NBPF12: variants seen among roughly 807,000 people sequenced by gnomAD.
NBPF12 encodes the protein NBPF member 12.
NBPF12 carries 115 observed loss-of-function variants against 146.4 expected under a neutral mutation model. That is an observed-to-expected ratio of 0.79 (90% CI 0.68 to 0.92). The LOEUF (loss-of-function observed/expected upper bound fraction) is 0.92. NBPF12 is among the 40% of genes least tolerant of loss of function. The probability of loss-of-function intolerance (pLI) is 0.00; values close to 1 mark genes in which losing one functional copy is unlikely to be tolerated. For missense variants in NBPF12, 1,205 were observed against 1,326.8 expected, an observed-to-expected ratio of 0.91 and a Z score of 1.43; for synonymous variants, 385 against 508.9, an observed-to-expected ratio of 0.76 and a Z score of 3.28.
upstream of NBPF12, among the ~76,000 whole-genome samples, chr1:146,944,852 CTCAT>C (rs1315983780): frequency 6.7e-6 from 1 of 149,674 alleles, no homozygotes; most frequent in Non-Finnish European, 1.5e-5. Context: ...CTTTCTCTCT[CTCAT>C]TCTTTCCCTC....
rs200992661 is a variant in NBPF12, at chr1:146,990,797, T to C, written c.3623+280T>C. On this transcript the variant is annotated intron_variant, in intron 29 of 33. Transcript: ENST00000617844. ...TGGAAAATTATTGAGCCCACTGTTT[T>C]CATGATCACTGTTCGCTGTGTGTCC... 1.7e-4 allele frequency among the ~76,000 whole-genome samples: 18 copies of C among 103,742 alleles called. 2 individuals are homozygous for C. The highest frequency in any genetic ancestry group is 5.8e-4 in the Admixed American group (5 of 8,560). 68.1% of individuals were successfully genotyped at this position (103,742 alleles called of 152,430 possible).
intron 18 of NBPF12, among the ~76,000 whole-genome samples, chr1:146,978,204 G>T (rs1657168936): frequency 6.7e-6 from 1 of 149,082 alleles, no homozygotes; most frequent in South Asian, 2.2e-4. Flanking sequence ...GCTGGACCCT[G>T]GTTCTCCACC....
intron 15 of NBPF12, among the ~76,000 whole-genome samples, chr1:146,975,057 C>G (rs1656894657): frequency 8.3e-6 from 1 of 119,874 alleles, no homozygotes; most frequent in African/African-American, 3.5e-5. Context: ...TTCTCTTTTT[C>G]AAACAAGTAA....
chr1:146,949,280 G>A (rs1221171700), upstream of NBPF12: 1 of 147,956 alleles, frequency 6.8e-6, no homozygotes, highest in Admixed American at 6.7e-5. Flanking sequence ...CACAGGTGTG[G>A]AGGGGCAACC....
chr1:146,957,836 A>ACC lies in NBPF12; in HGVS notation c.-183-2023_-183-2022insCC, dbSNP rs1380360557. 2.5e-4 allele frequency among the ~76,000 whole-genome samples: 30 copies of ACC among 118,920 alleles called. 5 individuals carry two copies. The East Asian group carries it at 7.0e-3, about 28-fold the overall frequency. 78.0% of individuals were successfully genotyped at this position (118,920 alleles called of 152,430 possible). A position where few individuals can be genotyped will look rare whatever the true frequency, so the allele number is the denominator to read the frequency against. On this transcript the variant is annotated intron_variant, in intron 2 of 33. Transcript: ENST00000617844. ...TCCGCCACTTAAAAAAGAAAAAAAA[A>ACC]ATATAATATATATATATATACACGT...
At chr1:146,980,320 G>A (rs1268644279) in intron 19 of NBPF12, among the ~76,000 whole-genome samples, 2 of 152,002 alleles carry the variant, frequency 1.3e-5, no homozygotes, top group Non-Finnish European at 2.9e-5. Context: ...TTACATTTAA[G>A]GTTAATATTG....
intron 1 of NBPF12, among the ~76,000 whole-genome samples, chr1:146,941,612 G>A (rs1331847070): frequency 1.4e-5 from 2 of 146,146 alleles, no homozygotes; most frequent in African/African-American, 2.5e-5. Flanking sequence ...AAATTAGCTG[G>A]ATGTGGTGGC....
intron 15 of NBPF12, 22 bp downstream of exon 18, chr1:146,974,863 A>C: frequency 3.9e-6 from 5 of 1,284,298 alleles, no homozygotes; most frequent in Non-Finnish European, 5.3e-6. Flanking sequence ...CCATGGGGGC[A>C]GACAGGGGGG....
At chr1:146,960,728 G>C (rs1309411977) in intron 4 of NBPF12, among the ~76,000 whole-genome samples, 2 of 152,078 alleles carry the variant, frequency 1.3e-5, no homozygotes, top group Non-Finnish European at 2.9e-5. Flanking sequence ...AGGCCCAACA[G>C]GCAAAGCTCT....
chr1:146,971,182 G>A lies in NBPF12; in HGVS notation c.1380-1G>A. On this transcript the variant is annotated splice_acceptor_variant, in intron 12 of 33. Coordinates refer to ENST00000617844, the Ensembl canonical transcript of NBPF12. LOFTEE classifies it high-confidence loss of function. ...CATCTCTGTCCCACCTGGCTCATCAGGGAGATGCAGAAGGCTGAAGAAAGC... is the reference window on the plus strand; with the variant it reads ...CATCTCTGTCCCACCTGGCTCATCAAGGAGATGCAGAAGGCTGAAGAAAGC... 6.2e-7 allele frequency: 1 copy of A among 1,611,298 alleles called. No individual in the cohort carries two copies. The highest frequency in any genetic ancestry group is 1.1e-5 in the South Asian group (1 of 90,996).
upstream of NBPF12, among the ~76,000 whole-genome samples, chr1:146,945,400 C>T (rs1292695228): frequency 1.3e-5 from 2 of 151,434 alleles, no homozygotes; most frequent in Non-Finnish European, 2.9e-5. Flanking sequence ...TGCACCTGTC[C>T]TTACCAGAAC....
chr1:146,975,534 G>A (rs1345635064), intron 15 of NBPF12, 143 bp from the exon 19 acceptor site: 15 of 595,858 alleles, frequency 2.5e-5, no homozygotes, highest in Non-Finnish European at 3.6e-5. Context: ...CTTTCTCTTG[G>A]CCACAGACAT....
chr1:146,987,596 T>C (rs1255517264), intron 25 of NBPF12, among the ~76,000 whole-genome samples: 1 of 152,146 alleles, frequency 6.6e-6, no homozygotes, highest in African/African-American at 2.4e-5. Flanking sequence ...CTGTATGCTG[T>C]GTGTCCTGAG....
intron 13 of NBPF12, 68 bp from the exon 17 acceptor site, chr1:146,972,683 G>A (rs1406484062): frequency 2.2e-5 from 28 of 1,264,798 alleles, no homozygotes; most frequent in Non-Finnish European, 3.1e-5. Context: ...ACATCCCTCA[G>A]TCCTGATTAA....
At chr1:146,966,738 T>C (rs1472107708) in intron 9 of NBPF12, 65 bp downstream of exon 12, 100 of 928,420 alleles carry the variant, frequency 1.1e-4, no homozygotes, top group African/African-American at 3.3e-5. Context: ...TCTGAGAAAC[T>C]AAGTGCTCTC....
At chr1:146,971,625 C>T (rs1656618193) in intron 13 of NBPF12, among the ~76,000 whole-genome samples, 3 of 147,352 alleles carry the variant, frequency 2.0e-5, no homozygotes, top group Non-Finnish European at 3.0e-5. Flanking sequence ...CCCATCTTTA[C>T]GAAGAATACA....
exon 34 of NBPF12, chr1:146,995,769 T>C (rs1658503165): frequency 6.7e-6 from 1 of 150,294 alleles, no homozygotes; most frequent in Non-Finnish European, 1.5e-5. Flanking sequence ...ACTGGTTACT[T>C]GGTTAAGGAG....
chr1:146,981,497 C>T (rs1310005446), intron 19 of NBPF12, among the ~76,000 whole-genome samples: 1 of 151,394 alleles, frequency 6.6e-6, no homozygotes, highest in Non-Finnish European at 1.5e-5. Context: ...TTTTTTCCTT[C>T]ATTTCAACCT....
In NBPF12 at chr1:146,977,608, GACTCA is replaced by G; in HGVS notation, c.2340_2344del (p.Thr781HisfsTer8). 1 of 1,604,642 alleles carries G rather than the reference GACTCA, an allele frequency of 6.2e-7. No individual in the cohort carries two copies. Among genetic ancestry groups the G allele is most frequent in the South Asian group, 1.1e-5 (1 of 90,780 alleles). The stretch of plus-strand genomic sequence containing the variant: ...AATCACATTTGAGGAAGACAAAGTC[GACTCA>G]ACTCTCATTGGCTCATCCTCTCATG... On this transcript the variant is annotated frameshift_variant, in exon 18 of 34. Transcript: ENST00000617844. LOFTEE classifies it high-confidence loss of function.
Sources: gnomAD v4.1 joint callset for allele counts (sites outside exome capture counted in the v4.1 genomes callset) on GRCh38, gnomAD v4.1.1 for gene constraint, MANE v1.5 for transcripts, NCBI Gene and HGNC (gene_info 2026-07-23, HGNC 2026-07-21) for gene names.